The following PKP2 variants were observed in gnomAD, a reference collection of about 807,000 sequenced individuals.
PKP2 encodes plakophilin 2, also known as plakophilin-2.
A neutral mutation model predicts 83.4 loss-of-function variants in PKP2; 73 were observed. That is an observed-to-expected ratio of 0.88 (90% CI 0.72 to 1.06). PKP2 has a LOEUF of 1.06. Among genes scored for constraint, PKP2 ranks in the 50% least tolerant of loss-of-function variants. The pLI is 0.00. For missense variants in PKP2, 966 were observed against 1,065.4 expected (o/e 0.91, Z 1.30); for synonymous variants, 409 against 430.4 (o/e 0.95, Z 0.62).
chr12:32,811,506 TCTTAA>T (rs1956276981), intron 9 of PKP2, among the ~76,000 whole-genome samples: 1 of 152,258 alleles, frequency 6.6e-6, no homozygotes, highest in African/African-American at 2.4e-5. Flanking sequence ...CTGTGTCTTT[TCTTAA>T]ATTTCTGCAA....
At chr12:32,824,018 A>G in intron 7 of PKP2, 27 bp downstream of exon 7, 2 of 1,344,052 alleles carry the variant, frequency 1.5e-6, no homozygotes, top group Non-Finnish European at 2.1e-6. Flanking sequence ...TAGTAAGACA[A>G]AACAGGATAT....
At position 32,792,062 on chromosome 12, in the gene PKP2, T is replaced by C. The variant is rs1565570750; in HGVS notation, c.*362A>G. ...CAAAACATGGGAACCAGAAAAGGAATATAAATGTAAATCAAACTTTTAAAA... is the reference window on the plus strand; with the variant it reads ...CAAAACATGGGAACCAGAAAAGGAACATAAATGTAAATCAAACTTTTAAAA... On this transcript the variant is annotated 3_prime_UTR_variant, in exon 13 of 13. Coordinates refer to ENST00000340811, the MANE Select transcript of PKP2 (RefSeq NM_001005242.3). The C allele has an allele frequency of 2.0e-5, 7 of 347,312 alleles. No homozygotes were observed. Among genetic ancestry groups the C allele is most frequent in the East Asian group, 7.5e-5 (1 of 13,370 alleles). The allele number at this position is 347,312 out of a possible 1,614,324, so 21.5% of individuals were successfully genotyped here. A position where few individuals can be genotyped will look rare whatever the true frequency, so the allele number is the denominator to read the frequency against.
intron 4 of PKP2, among the ~76,000 whole-genome samples, chr12:32,866,550 CAAAAAAAAAAAAAAAAAAA>C (rs56079220): frequency 2.8e-5 from 1 of 36,178 alleles, no homozygotes; most frequent in Non-Finnish European, 4.4e-5. Context: ...GATCCTTTCT[CAAAAAAAAAAAAAAAAAAA>C]AAAAAAAAAA....
intron 1 of PKP2, chr12:32,894,045 G>C (rs140241521): frequency 6.6e-6 from 1 of 150,658 alleles, no homozygotes; most frequent in East Asian, 2.0e-4. Flanking sequence ...TCAGCCTTCC[G>C]AGTAGCTGAG....
intron 1 of PKP2, among the ~76,000 whole-genome samples, chr12:32,885,186 C>A (rs948130840): frequency 5.3e-4 from 81 of 152,248 alleles, no homozygotes; most frequent in African/African-American, 1.9e-3. Context: ...TTCTAAATTC[C>A]TCAGAAAATT....
At chr12:32,840,118 C>T (rs535238513) in intron 6 of PKP2, among the ~76,000 whole-genome samples, 53 of 152,258 alleles carry the variant, frequency 3.5e-4, no homozygotes, top group African/African-American at 1.3e-3. Flanking sequence ...CTGGGCCCAA[C>T]CTTGAGTGTT....
At chr12:32,881,781 G>A (rs918758804) in intron 1 of PKP2, among the ~76,000 whole-genome samples, 2 of 152,142 alleles carry the variant, frequency 1.3e-5, no homozygotes, top group African/African-American at 4.8e-5. Context: ...CAGCCTCTGT[G>A]AGCCACCGTG....
intron 9 of PKP2, among the ~76,000 whole-genome samples, chr12:32,805,108 A>G (rs975699364): frequency 1.6e-4 from 24 of 151,550 alleles, no homozygotes; most frequent in Admixed American, 1.6e-3. Context: ...TCTTTTGAGA[A>G]GAGTCTGTTC....
chr12:32,886,707 G>T (rs1396196851), intron 1 of PKP2, among the ~76,000 whole-genome samples: 2 of 152,214 alleles, frequency 1.3e-5, no homozygotes, highest in Non-Finnish European at 2.9e-5. Context: ...GAAAACTATA[G>T]TTGGCTGGGC....
chr12:32,863,497 T>C (rs1312180023), intron 4 of PKP2: 1 of 180,076 alleles, frequency 5.6e-6, no homozygotes, highest in Non-Finnish European at 1.1e-5. Flanking sequence ...ATAAAAATTT[T>C]CAGGTAAAGG....
At chr12:32,865,677 G>C (rs1006349072) in intron 4 of PKP2, among the ~76,000 whole-genome samples, 2 of 48,876 alleles carry the variant, frequency 4.1e-5, no homozygotes, top group South Asian at 1.7e-3. Flanking sequence ...GAGTGACTCC[G>C]TCTCAAAAAA....
chr12:32,848,777 G>A (rs916878898), intron 5 of PKP2, among the ~76,000 whole-genome samples: 2 of 152,018 alleles, frequency 1.3e-5, no homozygotes, highest in African/African-American at 2.4e-5. Context: ...ACTTGAACAC[G>A]TAACCCCAAA....
At chr12:32,856,012 A>T (rs143856152) in intron 4 of PKP2, among the ~76,000 whole-genome samples, 27 of 152,248 alleles carry the variant, frequency 1.8e-4, no homozygotes, top group African/African-American at 5.8e-4. Context: ...TTGATTGAAG[A>T]TATGTAAGTA....
intron 10 of PKP2, among the ~76,000 whole-genome samples, chr12:32,801,588 A>T (rs975815488): frequency 1.3e-5 from 2 of 152,226 alleles, no homozygotes; most frequent in Non-Finnish European, 2.9e-5. Context: ...GTGCATATTT[A>T]AAAATCTAAT....
At chr12:32,837,649 G>A (rs1411206342) in intron 6 of PKP2, among the ~76,000 whole-genome samples, 1 of 152,154 alleles carries the variant, frequency 6.6e-6, no homozygotes, top group Non-Finnish European at 1.5e-5. Flanking sequence ...TTAAAACAGT[G>A]CTATTCTGAC....
At chr12:32,841,895 C>T (rs17174558) in intron 5 of PKP2, among the ~76,000 whole-genome samples, 4,979 of 152,254 alleles carry the variant, frequency 0.033, 281 homozygotes, top group African/African-American at 0.11. Flanking sequence ...CAGCATCTTC[C>T]CTATTGGCCA....
intron 9 of PKP2, among the ~76,000 whole-genome samples, chr12:32,809,989 CT>C (rs1248315096): frequency 3.9e-5 from 6 of 152,340 alleles, no homozygotes; most frequent in Admixed American, 3.9e-4. Flanking sequence ...GTGCTGTGGA[CT>C]GCAGCTGCTT....
intron 11 of PKP2, among the ~76,000 whole-genome samples, chr12:32,794,528 A>G (rs2137703330): frequency 1.3e-5 from 2 of 152,376 alleles, no homozygotes; most frequent in Middle Eastern, 3.4e-3. Context: ...GAAATAAACA[A>G]GTAACAGAGT....
chr12:32,872,799 G>A (rs1317342607), intron 3 of PKP2, among the ~76,000 whole-genome samples: 1 of 152,102 alleles, frequency 6.6e-6, no homozygotes, highest in Non-Finnish European at 1.5e-5. Context: ...ACTCTGGAAT[G>A]GATATGTGTT....
Sources: allele counts gnomAD v4.1 joint callset (sites outside exome capture counted in the v4.1 genomes callset), GRCh38; gene constraint gnomAD v4.1.1; transcripts MANE v1.5; gene names NCBI Gene and HGNC (gene_info 2026-07-23, HGNC 2026-07-21).